The following CSMD2 variants were observed in gnomAD, a reference collection of about 807,000 sequenced individuals.
CSMD2 encodes CUB and sushi domain-containing protein 2.
In CSMD2, 130 loss-of-function variants were observed where a neutral mutation model predicts 398.5. The ratio of observed to expected loss-of-function variants is 0.33; its 90% CI spans 0.28 to 0.38. The LOEUF (loss-of-function observed/expected upper bound fraction) is 0.38, where lower values mean the gene tolerates loss of function less well. Among genes scored for constraint, CSMD2 ranks in the 10% least tolerant of loss-of-function variants. The pLI, the probability that CSMD2 is intolerant of heterozygous loss-of-function variation, is 1.00. For synonymous variants in CSMD2, 1,828 were observed against 1,908.5 expected (o/e 0.96, Z 1.10); for missense variants, 3,829 against 4,764.9 (o/e 0.80, Z 5.78).
intron 5 of CSMD2, among the ~76,000 whole-genome samples, chr1:33,896,462 T>C (rs1181618111): frequency 6.6e-6 from 1 of 152,132 alleles, no homozygotes; most frequent in Non-Finnish European, 1.5e-5. Flanking sequence ...ACCCCACAAG[T>C]ACAACTATTT....
chr1:33,527,185 A>C lies in CSMD2; in HGVS notation c.10234+11T>G, dbSNP rs779428319. ...CCAGTTTCTTGAGCCAATGATCTGG[A>C]CCATACGTACTCAAGGCTTGGGTGA... On this transcript the variant is annotated intron_variant, in intron 65 of 70. Transcript: ENST00000373381. 2.7e-5 allele frequency: 44 copies of C among 1,612,238 alleles called. No homozygotes were observed. The highest frequency in any genetic ancestry group is 3.3e-5 in the Admixed American group (2 of 59,998).
chr1:33,653,049 G>A (rs150023358), intron 27 of CSMD2, among the ~76,000 whole-genome samples: 87 of 152,226 alleles, frequency 5.7e-4, no homozygotes, highest in South Asian at 1.2e-3. Flanking sequence ...GAGCCACCGC[G>A]CCCGGCCTAA....
At chr1:33,953,560 G>C (rs770135838) in intron 3 of CSMD2, among the ~76,000 whole-genome samples, 1 of 152,142 alleles carries the variant, frequency 6.6e-6, no homozygotes. Context: ...AGCTTTTTCT[G>C]AGATCCATGG....
intron 5 of CSMD2, among the ~76,000 whole-genome samples, chr1:33,908,085 C>CAAAAAAAAAAAAA (rs35932181): frequency 3.9e-4 from 30 of 77,090 alleles, no homozygotes; most frequent in East Asian, 8.0e-4. Flanking sequence ...GACTCCATCT[C>CAAAAAAAAAAAAA]AAAAAAAAAA....
intron 5 of CSMD2, among the ~76,000 whole-genome samples, chr1:33,851,703 C>T (rs921333720): frequency 6.6e-6 from 1 of 152,170 alleles, no homozygotes; most frequent in African/African-American, 2.4e-5. Context: ...AATGACTCAG[C>T]CTTGACACCC....
At chr1:33,859,999 A>G (rs1639372055) in intron 5 of CSMD2, among the ~76,000 whole-genome samples, 1 of 152,228 alleles carries the variant, frequency 6.6e-6, no homozygotes, top group Non-Finnish European at 1.5e-5. Flanking sequence ...CAAAGATCAT[A>G]CAGAAATGTC....
chr1:33,935,633 C>T (rs1644454406), intron 4 of CSMD2, 127 bp downstream of exon 4: 3 of 990,366 alleles, frequency 3.0e-6, no homozygotes, highest in Non-Finnish European at 4.4e-6. Context: ...TCTGTGCTGT[C>T]CAGACTTGGG....
chr1:34,002,991 G>C (rs1346842144), intron 3 of CSMD2, among the ~76,000 whole-genome samples: 1 of 152,180 alleles, frequency 6.6e-6, no homozygotes, highest in Non-Finnish European at 1.5e-5. Context: ...GGTCAAAGTG[G>C]GTCAGGCTCC....
chr1:34,075,203 G>T (rs184736790), intron 2 of CSMD2, among the ~76,000 whole-genome samples: 1 of 152,172 alleles, frequency 6.6e-6, no homozygotes, highest in Non-Finnish European at 1.5e-5. Flanking sequence ...CCTTTCCAGT[G>T]TCCCCTCTCT....
At chr1:33,998,465 T>C (rs1646796138) in intron 3 of CSMD2, among the ~76,000 whole-genome samples, 1 of 152,212 alleles carries the variant, frequency 6.6e-6, no homozygotes, top group Non-Finnish European at 1.5e-5. Flanking sequence ...GTAGGACCAG[T>C]TGTGGCTATA....
intron 22 of CSMD2, among the ~76,000 whole-genome samples, chr1:33,707,616 A>C (rs935447273): frequency 2.0e-5 from 3 of 151,858 alleles, no homozygotes; most frequent in Admixed American, 2.0e-4. Flanking sequence ...CTCATGAGTG[A>C]ATCTTCTTGG....
intron 2 of CSMD2, among the ~76,000 whole-genome samples, chr1:34,076,928 A>AAAAATAT (rs1232288848): frequency 1.7e-3 from 89 of 53,592 alleles, no homozygotes; most frequent in Non-Finnish European, 1.9e-3. Flanking sequence ...AAAAAAAAAA[A>AAAAATAT]ATATATATAT....
chr1:33,754,750 T>C (rs1648756803), intron 13 of CSMD2, among the ~76,000 whole-genome samples: 1 of 152,186 alleles, frequency 6.6e-6, no homozygotes, highest in African/African-American at 2.4e-5. Flanking sequence ...TAAAAATTTT[T>C]TGATGGGTAA....
intron 4 of CSMD2, among the ~76,000 whole-genome samples, chr1:33,925,744 G>A (rs1008567659): frequency 6.6e-6 from 1 of 152,120 alleles, no homozygotes; most frequent in Non-Finnish European, 1.5e-5. Context: ...TCAGGATAAA[G>A]TGGAATACCC....
intron 1 of CSMD2, among the ~76,000 whole-genome samples, chr1:34,145,413 G>T (rs1247836517): frequency 1.3e-5 from 2 of 152,206 alleles, no homozygotes; most frequent in Non-Finnish European, 2.9e-5. Context: ...CCATGGCTTT[G>T]CCCTCTTGCT....
chr1:33,519,621 C>G lies in CSMD2; in HGVS notation c.10793G>C (p.Arg3598Pro). 6.2e-7 allele frequency: 1 copy of G among 1,613,950 alleles called. No homozygotes were observed. The highest frequency in any genetic ancestry group is 8.5e-7 in the Non-Finnish European group (1 of 1,180,000). Residue 3598 changes from arginine to proline, a missense_variant, in exon 70 of 71, where the codon CGG becomes CCG. Physicochemically the swap from Arg to Pro is moderately radical, Grantham distance 103. Transcript: ENST00000373381. The surrounding 1 kb of genome is among the most constrained non-coding windows in gnomAD (Gnocchi z 5.6). Reference protein sequence around the residue: ...GYAGHENTNVRATFENPMYDR... With the variant: ...GYAGHENTNVPATFENPMYDR... ...GTACATTGGGTTCTCAAATGTGGCC[C>G]GAACATTGGTGTTCTCGTGGCCAGC...
At chr1:33,670,330 A>C (rs1046125926) in intron 25 of CSMD2, among the ~76,000 whole-genome samples, 1 of 152,144 alleles carries the variant, frequency 6.6e-6, no homozygotes, top group Admixed American at 6.5e-5. Flanking sequence ...CCCCTTGGTG[A>C]ATGTTGTCTG....
At chr1:34,113,512 T>C (rs2148449586) in intron 1 of CSMD2, among the ~76,000 whole-genome samples, 1 of 152,314 alleles carries the variant, frequency 6.6e-6, no homozygotes, top group East Asian at 1.9e-4. Context: ...GACTTTATTA[T>C]GGCCCAACAA....
chr1:33,797,619 A>G (rs1655101959), intron 10 of CSMD2, among the ~76,000 whole-genome samples: 1 of 152,186 alleles, frequency 6.6e-6, no homozygotes, highest in South Asian at 2.1e-4. Context: ...GGTAGGAAGC[A>G]TGACTTAAGC....
Sources: allele counts gnomAD v4.1 joint callset (sites outside exome capture counted in the v4.1 genomes callset), GRCh38; gene constraint gnomAD v4.1.1; non-coding constraint Gnocchi (gnomAD v3.1); transcripts MANE v1.5; gene names NCBI Gene and HGNC (gene_info 2026-07-23, HGNC 2026-07-21).